NBPF20: variants seen among roughly 807,000 people sequenced by gnomAD.
NBPF20 encodes NBPF family member NBPF20.
Under a neutral mutation model 68.1 loss-of-function variants are expected in NBPF20, and 90 were observed. The ratio of observed to expected loss-of-function variants is 1.32; its 90% CI spans 1.11 to 1.58. The LOEUF (loss-of-function observed/expected upper bound fraction) is 1.58. NBPF20 is among the 40% of genes most tolerant of loss of function. The pLI, the probability that NBPF20 is intolerant of heterozygous loss-of-function variation, is 0.00. For synonymous variants in NBPF20, 290 were observed against 228.1 expected, an observed-to-expected ratio of 1.27 and a Z score of -2.45; for missense variants, 816 against 601.2, an observed-to-expected ratio of 1.36 and a Z score of -3.74.
upstream of NBPF20, among the ~76,000 whole-genome samples, chr1:145,407,235 A>T (rs587682741): frequency 6.7e-6 from 1 of 150,356 alleles, no homozygotes; most frequent in Non-Finnish European, 1.5e-5. Flanking sequence ...CAATGAGAAC[A>T]CTTGGACACA....
intron 6 of NBPF20, 138 bp downstream of exon 11, chr1:145,400,251 A>G (rs1662455311): frequency 1.3e-6 from 2 of 1,574,650 alleles, no homozygotes; most frequent in African/African-American, 2.7e-5. Context: ...TGAGAAGGAC[A>G]AAAAAAGTCC....
upstream of NBPF20, chr1:145,407,781 C>T (rs1662869547): frequency 6.5e-6 from 1 of 153,964 alleles, no homozygotes. Flanking sequence ...CATCTACAGC[C>T]TCGTGGCGGA....
At chr1:145,393,994 A>C (rs1553663071) in intron 8 of NBPF20, 59 bp from the exon 14 acceptor site, 1 of 892,904 alleles carries the variant, frequency 1.1e-6, no homozygotes, top group Admixed American at 1.7e-5. Context: ...GCACACAGAA[A>C]CATTCCTCTG....
intron 7 of NBPF20, among the ~76,000 whole-genome samples, chr1:145,398,457 C>T (rs1226047659): frequency 2.6e-5 from 4 of 152,110 alleles, no homozygotes; most frequent in Non-Finnish European, 4.4e-5. Context: ...GGAAACTCAA[C>T]AACCTGCTCC....
chr1:145,397,172 T>G (rs1391361636), intron 7 of NBPF20, among the ~76,000 whole-genome samples: 1 of 148,306 alleles, frequency 6.7e-6, no homozygotes, highest in Non-Finnish European at 1.5e-5. Context: ...CTATCATTGC[T>G]GGATATTTGG....
chr1:145,404,824 A>G (rs1220726968), intron 2 of NBPF20, among the ~76,000 whole-genome samples: 1 of 150,792 alleles, frequency 6.6e-6, no homozygotes, highest in East Asian at 1.9e-4. Context: ...AACATGATTG[A>G]GCCTCTTGGA....
At chr1:145,403,478 T>G (rs1468778197) in intron 2 of NBPF20, among the ~76,000 whole-genome samples, 160 bp from the exon 8 acceptor site, 1 of 152,274 alleles carries the variant, frequency 6.6e-6, no homozygotes, top group Non-Finnish European at 1.5e-5. Flanking sequence ...GTCTCCTGAC[T>G]TTCTGGCATC....
At chr1:145,405,138 A>T in exon 2 of NBPF20, 1 of 1,613,756 alleles carries the variant, frequency 6.2e-7, no homozygotes, top group Non-Finnish European at 8.5e-7. Context: ...CGGCCAGTTG[A>T]GTTACAAAAC....
At chr1:145,290,588 G>C (rs1253657399) in exon 138 of NBPF20, 3 of 149,810 alleles carry the variant, frequency 2.0e-5, no homozygotes, top group Non-Finnish European at 3.0e-5. Context: ...AAATATTTGG[G>C]GTTCAAAATA....
chr1:145,408,495 C>T (rs1571383967), upstream of NBPF20, among the ~76,000 whole-genome samples: 5 of 151,988 alleles, frequency 3.3e-5, no homozygotes, highest in East Asian at 9.6e-4. Context: ...AATACTTACA[C>T]CATTACTACT....
chr1:145,394,884 A>C (rs1226028657), intron 8 of NBPF20, 94 bp downstream of exon 13: 17 of 1,541,454 alleles, frequency 1.1e-5, no homozygotes, highest in South Asian at 3.3e-5. Context: ...GTGATGGCAA[A>C]TCTCAGCCCA....
In NBPF20 at chr1:145,292,587, C is replaced by T; in HGVS notation, c.16589-98G>A. 6.7e-6 allele frequency: 5 copies of T among 745,254 alleles called. 1 individual carries two copies. The highest frequency in any genetic ancestry group is 2.7e-5 in the South Asian group (2 of 72,932). The allele number at this position is 745,254 out of a possible 1,614,324, so 46.2% of individuals were successfully genotyped here. A position where few individuals can be genotyped will look rare whatever the true frequency, so the allele number is the denominator to read the frequency against. ...CCTCACACAGGGACCTCAGGCTCCC[C>T]AGCATAAGAATAGGACACTTTGAGA... On this transcript the variant is annotated intron_variant, in intron 136 of 137. Coordinates refer to ENST00000369373, the Ensembl canonical transcript of NBPF20.
chr1:145,311,361 AC>A, intron 113 of NBPF20, 75 bp downstream of exon 118: 1 of 246,068 alleles, frequency 4.1e-6, no homozygotes, highest in Non-Finnish European at 7.1e-6. Context: ...GAAATTGAAC[AC>A]ACTCTTGTTT....
chr1:145,394,897 A>T (rs201635822), intron 8 of NBPF20, 81 bp downstream of exon 13: 3 of 1,354,538 alleles, frequency 2.2e-6, no homozygotes, highest in Non-Finnish European at 3.2e-6. Flanking sequence ...TCAGCCCAAC[A>T]AGGGGCACAA....
At chr1:145,292,106 C>G (rs1263943276) in intron 137 of NBPF20, among the ~76,000 whole-genome samples, 2 of 149,526 alleles carry the variant, frequency 1.3e-5, no homozygotes, top group African/African-American at 5.1e-5. Context: ...AAAGAGTGAG[C>G]TCAATAGTTT....
At chr1:145,291,284 C>A in exon 138 of NBPF20, 1 of 643,780 alleles carries the variant, frequency 1.6e-6, no homozygotes, top group Non-Finnish European at 2.6e-6. Flanking sequence ...ATTAAAATGT[C>A]TGACTGATCA....
At chr1:145,419,443 G>A in the NBPF20 span, among the ~76,000 whole-genome samples, 2 of 152,116 alleles carry the variant, frequency 1.3e-5, no homozygotes, top group Non-Finnish European at 2.9e-5. Context: ...GCCCACTGTT[G>A]CCAGAGACAC....
intron 7 of NBPF20, among the ~76,000 whole-genome samples, chr1:145,397,380 C>A (rs1372274224): frequency 6.6e-6 from 1 of 152,182 alleles, no homozygotes; most frequent in Non-Finnish European, 1.5e-5. Flanking sequence ...TTTACAGTCC[C>A]ACCAACAGTG....
chr1:145,291,721 G>A, exon 138 of NBPF20: 2 of 1,611,974 alleles, frequency 1.2e-6, no homozygotes, highest in African/African-American at 1.3e-5. Flanking sequence ...CATCCAGTGA[G>A]TCCTGTAAGA....
Sources: allele counts gnomAD v4.1 joint callset (sites outside exome capture counted in the v4.1 genomes callset), GRCh38; gene constraint gnomAD v4.1.1; transcripts MANE v1.5; gene names NCBI Gene and HGNC (gene_info 2026-07-23, HGNC 2026-07-21).